MYT1L: variants seen among roughly 807,000 people sequenced by gnomAD.
MYT1L encodes the protein myelin transcription factor 1-like protein.
A neutral mutation model predicts 126.7 loss-of-function variants in MYT1L; 12 were observed. That is an observed-to-expected ratio of 0.09 (90% CI 0.06 to 0.15). MYT1L has a LOEUF of 0.15. Among genes scored for constraint, MYT1L ranks in the 10% least tolerant of loss-of-function variants. The pLI, the probability that MYT1L is intolerant of heterozygous loss-of-function variation, is 1.00. For synonymous variants in MYT1L, 541 were observed against 604.2 expected (o/e 0.90, Z 1.53); for missense variants, 979 against 1,585.2 (o/e 0.62, Z 6.49).
At chr2:2,069,204 T>A (rs1280059250) in intron 3 of MYT1L, among the ~76,000 whole-genome samples, 1 of 152,158 alleles carries the variant, frequency 6.6e-6, no homozygotes, top group African/African-American at 2.4e-5. Context: ...GTATTTCTCC[T>A]AATGCTCTCC....
At chr2:2,277,148 AT>A (rs563624546) in intron 2 of MYT1L, among the ~76,000 whole-genome samples, 34 of 151,616 alleles carry the variant, frequency 2.2e-4, no homozygotes, top group Admixed American at 1.1e-3. Context: ...CCCCCGGCTA[AT>A]TTTTTTTGTA....
intron 2 of MYT1L, among the ~76,000 whole-genome samples, chr2:2,279,695 G>T (rs1170189202): frequency 6.6e-6 from 1 of 152,154 alleles, no homozygotes; most frequent in South Asian, 2.1e-4. Flanking sequence ...TTACCTTCAA[G>T]TTTGTTGGCC....
At chr2:2,010,596 C>T (rs1231991980) in intron 4 of MYT1L, among the ~76,000 whole-genome samples, 2 of 152,066 alleles carry the variant, frequency 1.3e-5, no homozygotes, top group African/African-American at 2.4e-5. Flanking sequence ...CTGCTACTAC[C>T]CAGTGATCGA....
intron 8 of MYT1L, among the ~76,000 whole-genome samples, chr2:1,954,095 A>G (rs2058122686): frequency 6.6e-6 from 1 of 152,190 alleles, no homozygotes; most frequent in Admixed American, 6.5e-5. Flanking sequence ...AGAAAGCTTG[A>G]AAATCACTTA....
At chr2:2,141,871 T>C (rs954984817) in intron 3 of MYT1L, among the ~76,000 whole-genome samples, 9 of 152,232 alleles carry the variant, frequency 5.9e-5, no homozygotes, top group Admixed American at 2.6e-4. Flanking sequence ...CTTTAAACAT[T>C]GAGAAACTTC....
At chr2:2,270,254 G>A (rs1276744551) in intron 2 of MYT1L, among the ~76,000 whole-genome samples, 2 of 152,196 alleles carry the variant, frequency 1.3e-5, no homozygotes, top group Non-Finnish European at 2.9e-5. Context: ...GAGAATTGAT[G>A]CCTGTTGTTT....
At chr2:1,918,886 T>C (rs1237518836) in intron 10 of MYT1L, among the ~76,000 whole-genome samples, 2 of 152,232 alleles carry the variant, frequency 1.3e-5, no homozygotes, top group Non-Finnish European at 2.9e-5. Flanking sequence ...TAGCACTTTA[T>C]TGCCTTTTCA....
chr2:2,088,990 T>C (rs1255090097), intron 3 of MYT1L, among the ~76,000 whole-genome samples: 2 of 152,232 alleles, frequency 1.3e-5, no homozygotes, highest in Non-Finnish European at 2.9e-5. Context: ...ATCATTTCTG[T>C]TAAGTTTTAA....
chr2:2,160,333 G>A (rs1334333058), intron 3 of MYT1L, among the ~76,000 whole-genome samples: 1 of 152,184 alleles, frequency 6.6e-6, no homozygotes. Context: ...ATTTGAAAAA[G>A]TGGTAAAGCA....
intron 2 of MYT1L, among the ~76,000 whole-genome samples, chr2:2,174,663 C>T (rs1447658406): frequency 6.6e-6 from 1 of 151,070 alleles, no homozygotes; most frequent in African/African-American, 2.5e-5. Flanking sequence ...TAACTGGGTC[C>T]CTACTTCCTC....
intron 1 of MYT1L, among the ~76,000 whole-genome samples, chr2:2,295,938 G>A (rs1235631516): frequency 6.7e-6 from 1 of 148,582 alleles, no homozygotes; most frequent in African/African-American, 2.5e-5. Context: ...AGGTTGGGGG[G>A]GAGGAGAGAG....
chr2:2,004,001 GCATGCCTTCTTTCCTGCA>G (rs2062734680), intron 4 of MYT1L, among the ~76,000 whole-genome samples: 1 of 136,560 alleles, frequency 7.3e-6, no homozygotes, highest in East Asian at 2.1e-4. Flanking sequence ...GTTCTTTCCT[GCATGCCTTCTTTCCTGCA>G]TGCCTTCTTT....
rs564662026 is a variant in MYT1L, at chr2:1,840,243, A to G, written c.2858+517T>C. On this transcript the variant is annotated intron_variant, in intron 20 of 24. Coordinates refer to ENST00000647738, the MANE Select transcript of MYT1L (RefSeq NM_001303052.2). ...CTGTGTGGGTTTTTGGGGCCCAGGC[A>G]TGGCTGGCGTGGGATGGGGACAAAC... Among the ~76,000 whole-genome samples, 78 of 152,254 alleles carry G rather than the reference A, an allele frequency of 5.1e-4. No individual in the cohort carries two copies. In the South Asian group the frequency reaches 8.1e-3, roughly 16 times the overall value.
chr2:1,840,540 A>G (rs2041523103), intron 20 of MYT1L, among the ~76,000 whole-genome samples: 1 of 152,102 alleles, frequency 6.6e-6, no homozygotes, highest in Admixed American at 6.5e-5. Context: ...ATTGATGGAT[A>G]TCAGCTTATT....
At chr2:2,297,618 CGTGCCAACAGTTGCAT>C (rs1266459258) in intron 1 of MYT1L, among the ~76,000 whole-genome samples, 1 of 152,120 alleles carries the variant, frequency 6.6e-6, no homozygotes, top group Admixed American at 6.6e-5. Context: ...TCCCCTTGGC[CGTGCCAACAGTTGCAT>C]GTGCCACTCA....
intron 18 of MYT1L, among the ~76,000 whole-genome samples, chr2:1,876,496 A>C (rs2046930915): frequency 6.6e-6 from 1 of 151,214 alleles, no homozygotes; most frequent in South Asian, 2.1e-4. Flanking sequence ...CCCCCCGTCC[A>C]TCTGGGGCTC....
At chr2:2,086,885 G>A (rs570987499) in intron 3 of MYT1L, among the ~76,000 whole-genome samples, 13 of 152,260 alleles carry the variant, frequency 8.5e-5, no homozygotes, top group African/African-American at 2.2e-4. Context: ...TCACAGCTCC[G>A]GGGATGCCTG....
intron 2 of MYT1L, among the ~76,000 whole-genome samples, chr2:2,236,424 C>A (rs2149099840): frequency 6.7e-6 from 1 of 148,764 alleles, no homozygotes; most frequent in East Asian, 2.0e-4. Context: ...CAACCCAGCC[C>A]AGTACAACCC....
At chr2:2,312,590 G>A (rs1367222513) in intron 1 of MYT1L, among the ~76,000 whole-genome samples, 1 of 152,084 alleles carries the variant, frequency 6.6e-6, no homozygotes, top group Non-Finnish European at 1.5e-5. Context: ...TCCAGCCTGG[G>A]TGACAGAGTG....
Sources: allele counts gnomAD v4.1 joint callset (sites outside exome capture counted in the v4.1 genomes callset), GRCh38; gene constraint gnomAD v4.1.1; transcripts MANE v1.5; gene names NCBI Gene and HGNC (gene_info 2026-07-23, HGNC 2026-07-21).